Variants in SPATS2 observed in about 807,000 individuals in gnomAD.
The protein encoded by SPATS2 is spermatogenesis associated serine rich 2, also known as spermatogenesis-associated serine-rich protein 2.
In SPATS2, 38 loss-of-function variants were observed where a neutral mutation model predicts 63.7. The observed-to-expected ratio is 0.60, with a 90% CI of 0.46 to 0.78. SPATS2 has a LOEUF of 0.78. SPATS2 is among the 30% of genes least tolerant of loss of function. The probability of loss-of-function intolerance (pLI) is 0.00; values close to 1 mark genes in which losing one functional copy is unlikely to be tolerated. For synonymous variants in SPATS2, 207 were observed against 232.9 expected, an observed-to-expected ratio of 0.89 and a Z score of 1.01; for missense variants, 588 against 666.2, an observed-to-expected ratio of 0.88 and a Z score of 1.29.
At chr12:49,444,416 G>T (rs759338896) in intron 2 of SPATS2, among the ~76,000 whole-genome samples, 1 of 151,604 alleles carries the variant, frequency 6.6e-6, no homozygotes, top group South Asian at 2.1e-4. Flanking sequence ...ATGGGGTCTC[G>T]CTTTTTTCCC....
intron 7 of SPATS2, 23 bp from the exon 8 acceptor site, chr12:49,496,810 G>A: frequency 6.2e-7 from 1 of 1,611,812 alleles, no homozygotes; most frequent in Non-Finnish European, 8.5e-7. Context: ...GTGCTCTAAA[G>A]TACAGTCCTC....
chr12:49,461,188 C>A, intron 3 of SPATS2, 151 bp downstream of exon 3: 1 of 772,260 alleles, frequency 1.3e-6, no homozygotes, highest in Non-Finnish European at 2.1e-6. Flanking sequence ...TATTACTAGT[C>A]TGGGAATTAA....
At chr12:49,408,322 GGCTCACT>G (rs1248586014) in intron 2 of SPATS2, among the ~76,000 whole-genome samples, 1 of 148,832 alleles carries the variant, frequency 6.7e-6, no homozygotes, top group African/African-American at 2.5e-5. Flanking sequence ...GCACAATCTC[GGCTCACT>G]GCAACCTCCG....
intron 7 of SPATS2, among the ~76,000 whole-genome samples, chr12:49,496,286 GTTTGT>G (rs1037901004): frequency 2.6e-5 from 4 of 152,000 alleles, no homozygotes; most frequent in Non-Finnish European, 5.9e-5. Flanking sequence ...TTGTTTGTTT[GTTTGT>G]TTTGAGAGAC....
intron 2 of SPATS2, among the ~76,000 whole-genome samples, chr12:49,384,804 A>T (rs1056822026): frequency 1.2e-4 from 18 of 151,414 alleles, no homozygotes; most frequent in Admixed American, 1.2e-3. Flanking sequence ...CTCATGCCAA[A>T]AATCTTTCAT....
chr12:49,460,847 G>T lies in SPATS2; in HGVS notation c.-166G>T. The T allele has an allele frequency of 1.5e-6, 1 of 665,644 alleles. No homozygotes were observed. The allele number at this position is 665,644 out of a possible 1,614,324, so 41.2% of individuals were successfully genotyped here. A position where few individuals can be genotyped will look rare whatever the true frequency, so the allele number is the denominator to read the frequency against. On this transcript the variant is annotated 5_prime_UTR_variant, in exon 3 of 14. Transcript: ENST00000552918. ...AAGTTGATACAAGAAAAGGAAAGGAGATTAACAGCTAGTGAGCAGAATTTC... is the reference window on the plus strand; with the variant it reads ...AAGTTGATACAAGAAAAGGAAAGGATATTAACAGCTAGTGAGCAGAATTTC...
At position 49,526,065 on chromosome 12, in the gene SPATS2, C is replaced by T; in HGVS notation, c.1448C>T (p.Ser483Leu). The T allele has an allele frequency of 6.2e-7, 1 of 1,614,228 alleles. No individual in the cohort carries two copies. Among genetic ancestry groups the T allele is most frequent in the Non-Finnish European group, 8.5e-7 (1 of 1,180,044 alleles). ...MGRYRNSSWY[S>L]SGSRYQSAPS... The stretch of plus-strand genomic sequence containing the variant: ...CGTTACAGAAACAGCTCGTGGTATT[C>T]ATCTGGTTCCAGGTATCAGAGTGCT... The change falls in exon 14 of 14, where the codon TCA becomes TTA. Residue 483 changes from serine to leucine, a missense_variant. Transcript: ENST00000552918.
intron 3 of SPATS2, among the ~76,000 whole-genome samples, chr12:49,461,403 GTT>G (rs1390615818): frequency 2.0e-5 from 3 of 152,084 alleles, no homozygotes; most frequent in African/African-American, 7.2e-5. Context: ...TCTGGGTTTT[GTT>G]TCCTTCTTTA....
At chr12:49,436,160 C>T (rs1945280919) in intron 2 of SPATS2, among the ~76,000 whole-genome samples, 1 of 151,888 alleles carries the variant, frequency 6.6e-6, no homozygotes, top group South Asian at 2.1e-4. Context: ...CTGTTGAGTA[C>T]ACCTCCCAGA....
intron 2 of SPATS2, among the ~76,000 whole-genome samples, chr12:49,424,113 G>A (rs952016320): frequency 6.6e-6 from 1 of 152,150 alleles, no homozygotes; most frequent in Non-Finnish European, 1.5e-5. Context: ...TGAGGCAGGA[G>A]AATCACTTGA....
At chr12:49,413,599 T>C (rs73297210) in intron 2 of SPATS2, among the ~76,000 whole-genome samples, 28,359 of 151,922 alleles carry the variant, frequency 0.19, 3,612 homozygotes, top group African/African-American at 0.37. Context: ...ACTTACAGAA[T>C]ACACTCACCC....
Position 49,482,344 on chromosome 12 carries a change from C to T in SPATS2, c.26-2246C>T, listed in dbSNP as rs187849417. 7.2e-5 allele frequency among the ~76,000 whole-genome samples: 11 copies of T among 152,250 alleles called. No homozygotes were observed. The South Asian group carries it at 8.3e-4, about 11-fold the overall frequency. On this transcript the variant is annotated intron_variant, in intron 3 of 13. Coordinates refer to ENST00000552918, the MANE Select transcript of SPATS2 (RefSeq NM_023071.4). ...AGAGTAAGGTAGGGGACTTTTATTCCTCTAATCTTTCTCTGAGGGGTAGCT... is the reference window on the plus strand; with the variant it reads ...AGAGTAAGGTAGGGGACTTTTATTCTTCTAATCTTTCTCTGAGGGGTAGCT...
chr12:49,487,266 C>T (rs1019398093), intron 4 of SPATS2, among the ~76,000 whole-genome samples: 6 of 152,104 alleles, frequency 3.9e-5, no homozygotes, highest in Admixed American at 1.3e-4. Flanking sequence ...GCAGGCAGAT[C>T]ACTTGAGTGA....
At chr12:49,445,543 C>T (rs1381417667) in intron 2 of SPATS2, among the ~76,000 whole-genome samples, 2 of 151,726 alleles carry the variant, frequency 1.3e-5, no homozygotes, top group East Asian at 1.9e-4. Context: ...TTTGAGACAG[C>T]GTCTCACTTT....
chr12:49,451,118 T>G (rs944798960), intron 2 of SPATS2, among the ~76,000 whole-genome samples: 7 of 152,022 alleles, frequency 4.6e-5, no homozygotes, highest in African/African-American at 1.7e-4. Flanking sequence ...GTGATCCACC[T>G]GCCTCAGCCT....
At chr12:49,413,534 T>C (rs1018206536) in intron 2 of SPATS2, among the ~76,000 whole-genome samples, 2 of 152,014 alleles carry the variant, frequency 1.3e-5, no homozygotes, top group African/African-American at 4.8e-5. Flanking sequence ...CAGCACGTCA[T>C]ATTCCAAGGG....
chr12:49,447,348 C>A (rs1945531304), intron 2 of SPATS2, among the ~76,000 whole-genome samples: 1 of 152,222 alleles, frequency 6.6e-6, no homozygotes, highest in East Asian at 1.9e-4. Flanking sequence ...AAGCGATTCT[C>A]TTGCCTCAGC....
chr12:49,500,548 G>A (rs950208450), intron 9 of SPATS2, among the ~76,000 whole-genome samples: 1 of 152,172 alleles, frequency 6.6e-6, no homozygotes, highest in South Asian at 2.1e-4. Context: ...CGAGGTGGGC[G>A]GATCTTGAGG....
intron 2 of SPATS2, among the ~76,000 whole-genome samples, chr12:49,414,260 T>C (rs1298187288): frequency 6.6e-6 from 1 of 152,144 alleles, no homozygotes; most frequent in African/African-American, 2.4e-5. Flanking sequence ...ACTTGCACAT[T>C]GATAGAACAT....
Sources: allele counts gnomAD v4.1 joint callset (sites outside exome capture counted in the v4.1 genomes callset), GRCh38; gene constraint gnomAD v4.1.1; transcripts MANE v1.5; gene names NCBI Gene and HGNC (gene_info 2026-07-23, HGNC 2026-07-21).